The following SGCZ variants were observed in gnomAD, a reference collection of about 807,000 sequenced individuals.
The protein encoded by SGCZ is zeta-sarcoglycan.
SGCZ carries 40 observed loss-of-function variants against 41.3 expected under a neutral mutation model. The observed-to-expected ratio is 0.97, with a 90% confidence interval of 0.75 to 1.26. SGCZ has a LOEUF of 1.26. SGCZ is among the 50% of genes most tolerant of loss of function. The pLI is 0.00. For synonymous variants in SGCZ, 206 were observed against 137.5 expected, an observed-to-expected ratio of 1.50 and a Z score of -3.49; for missense variants, 552 against 369.8, an observed-to-expected ratio of 1.49 and a Z score of -4.04.
intron 2 of SGCZ, among the ~76,000 whole-genome samples, chr8:14,496,720 C>T (rs535242108): frequency 6.6e-6 from 1 of 152,088 alleles, no homozygotes; most frequent in South Asian, 2.1e-4. Context: ...TTCTTTTATT[C>T]CTTTTCCCTA....
intron 3 of SGCZ, among the ~76,000 whole-genome samples, chr8:14,299,484 T>C (rs1254869301): frequency 1.3e-5 from 2 of 151,830 alleles, no homozygotes; most frequent in African/African-American, 2.4e-5. Context: ...CAAAATCCAA[T>C]AATAATGAAC....
intron 1 of SGCZ, among the ~76,000 whole-genome samples, chr8:14,975,476 T>C (rs1231125661): frequency 6.6e-6 from 1 of 152,144 alleles, no homozygotes; most frequent in East Asian, 1.9e-4. Context: ...TAGGCTTCCA[T>C]GCTATCAATC....
At chr8:14,519,101 T>C (rs762136271) in intron 2 of SGCZ, among the ~76,000 whole-genome samples, 3 of 149,802 alleles carry the variant, frequency 2.0e-5, no homozygotes, top group Non-Finnish European at 4.4e-5. Flanking sequence ...AGATATATAG[T>C]GCCTGCATTT....
At chr8:14,237,299 T>C (rs895600334) in intron 4 of SGCZ, among the ~76,000 whole-genome samples, 2 of 152,126 alleles carry the variant, frequency 1.3e-5, no homozygotes, top group Non-Finnish European at 2.9e-5. Flanking sequence ...AGTCAAATCA[T>C]GTGCAAGAAA....
intron 1 of SGCZ, among the ~76,000 whole-genome samples, chr8:14,574,705 G>C (rs1392987587): frequency 6.6e-6 from 1 of 152,074 alleles, no homozygotes; most frequent in African/African-American, 2.4e-5. Flanking sequence ...TAAAACTGTG[G>C]TCAAATTAAT....
At chr8:14,587,775 G>T (rs1335624792) in intron 1 of SGCZ, among the ~76,000 whole-genome samples, 2 of 152,076 alleles carry the variant, frequency 1.3e-5, no homozygotes, top group African/African-American at 2.4e-5. Flanking sequence ...AGGAAGATGA[G>T]ACTTACAAAA....
intron 1 of SGCZ, among the ~76,000 whole-genome samples, chr8:14,694,402 G>C (rs925563691): frequency 6.6e-6 from 1 of 152,126 alleles, no homozygotes; most frequent in Non-Finnish European, 1.5e-5. Context: ...ATTCTAATTG[G>C]AAAATTCATT....
intron 5 of SGCZ, among the ~76,000 whole-genome samples, chr8:14,148,079 T>C (rs762239982): frequency 6.6e-6 from 1 of 152,038 alleles, no homozygotes; most frequent in Non-Finnish European, 1.5e-5. Flanking sequence ...CCATTATAGA[T>C]ATAAGTGCCT....
intron 1 of SGCZ, among the ~76,000 whole-genome samples, chr8:14,943,354 C>G (rs1800337812): frequency 6.6e-6 from 1 of 152,162 alleles, no homozygotes; most frequent in Admixed American, 6.6e-5. Flanking sequence ...CCAAAACTGT[C>G]AAACAGGGTC....
intron 1 of SGCZ, among the ~76,000 whole-genome samples, chr8:14,752,055 A>G (rs766406272): frequency 6.6e-6 from 1 of 151,478 alleles, no homozygotes; most frequent in Non-Finnish European, 1.5e-5. Flanking sequence ...TTCAACCACA[A>G]AGAAGGGTAA....
At chr8:14,356,358 G>A (rs533861639) in intron 2 of SGCZ, among the ~76,000 whole-genome samples, 1 of 152,144 alleles carries the variant, frequency 6.6e-6, no homozygotes, top group East Asian at 1.9e-4. Flanking sequence ...TATCAATGGA[G>A]TGAGCTATTT....
chr8:14,747,721 G>A (rs1319904341), intron 1 of SGCZ, among the ~76,000 whole-genome samples: 1 of 146,626 alleles, frequency 6.8e-6, no homozygotes, highest in Non-Finnish European at 1.5e-5. Context: ...GTGTGTGTGT[G>A]TGTGTGTGTG....
chr8:15,176,650 C>T (rs1183377160), intron 1 of SGCZ, among the ~76,000 whole-genome samples: 1 of 152,132 alleles, frequency 6.6e-6, no homozygotes, highest in Non-Finnish European at 1.5e-5. Context: ...GAAAAATTAA[C>T]AAATACAGAA....
chr8:14,401,240 T>C (rs1799063136), intron 2 of SGCZ, among the ~76,000 whole-genome samples: 2 of 152,244 alleles, frequency 1.3e-5, no homozygotes, highest in South Asian at 4.1e-4. Context: ...AATCAATACT[T>C]AACTCAAATA....
intron 1 of SGCZ, among the ~76,000 whole-genome samples, chr8:14,886,193 A>G (rs2130733591): frequency 6.6e-6 from 1 of 151,510 alleles, no homozygotes; most frequent in East Asian, 2.0e-4. Flanking sequence ...AACTTTTCAC[A>G]ACTGTTCTTA....
chr8:14,921,202 G>C (rs1302516998), intron 1 of SGCZ, among the ~76,000 whole-genome samples: 1 of 152,116 alleles, frequency 6.6e-6, no homozygotes, highest in Non-Finnish European at 1.5e-5. Context: ...AGCTTCCCAA[G>C]AGCAGCCCCA....
At chr8:14,698,639 T>C (rs1329537590) in intron 1 of SGCZ, among the ~76,000 whole-genome samples, 2 of 151,952 alleles carry the variant, frequency 1.3e-5, no homozygotes, top group Non-Finnish European at 2.9e-5. Flanking sequence ...TGGGGGGGTA[T>C]AATCATGACA....
chr8:14,759,154 T>C (rs62493272), intron 1 of SGCZ, among the ~76,000 whole-genome samples: 1,922 of 152,224 alleles, frequency 0.013, 20 homozygotes, highest in Non-Finnish European at 0.017. Flanking sequence ...GAAAGTATAA[T>C]TCTATTTATA....
chr8:14,467,631 A>C (rs1243080299), intron 2 of SGCZ, among the ~76,000 whole-genome samples: 1 of 152,056 alleles, frequency 6.6e-6, no homozygotes, highest in Non-Finnish European at 1.5e-5. Flanking sequence ...GCAAGTCTTT[A>C]ATAGACATCA....
Sources: allele counts gnomAD v4.1 joint callset (sites outside exome capture counted in the v4.1 genomes callset), GRCh38; gene constraint gnomAD v4.1.1; transcripts MANE v1.5; gene names NCBI Gene and HGNC (gene_info 2026-07-23, HGNC 2026-07-21).